The following DMD variants were observed in gnomAD, a reference collection of about 807,000 sequenced individuals.
The protein encoded by DMD is dystrophin.
A neutral mutation model predicts 330.1 loss-of-function variants in DMD; 63 were observed. The ratio of observed to expected loss-of-function variants is 0.19; its 90% confidence interval spans 0.16 to 0.24. The LOEUF is 0.24. DMD is among the 10% of genes least tolerant of loss of function. The pLI is 1.00. For missense variants in DMD, 3,344 were observed against 2,684.1 expected (o/e 1.25, Z -5.43); for synonymous variants, 1,223 against 959.8 (o/e 1.27, Z -5.07).
At chrX:32,203,477 G>A (rs1465355603) in intron 44 of DMD, among the ~76,000 whole-genome samples, 1 of 112,537 alleles carries the variant, frequency 8.9e-6, no homozygotes, top group Non-Finnish European at 1.9e-5. Context: ...TCAGGGAACA[G>A]TAAATTTTAA....
intron 51 of DMD, among the ~76,000 whole-genome samples, chrX:31,772,133 G>A (rs184489235): frequency 2.7e-5 from 3 of 112,274 alleles, no homozygotes; most frequent in Non-Finnish European, 3.8e-5. Context: ...TCTAGAGTTC[G>A]TGGTGGAACC....
At chrX:33,202,157 T>G (rs1298099058) in intron 1 of DMD, among the ~76,000 whole-genome samples, 2 of 111,783 alleles carry the variant, frequency 1.8e-5, no homozygotes, top group Non-Finnish European at 3.8e-5. Context: ...TTAAAGAGCA[T>G]CCTCAATGGG....
At chrX:32,503,639 T>C (rs181471478) in intron 18 of DMD, among the ~76,000 whole-genome samples, 1 of 111,156 alleles carries the variant, frequency 9.0e-6, no homozygotes, top group Admixed American at 9.5e-5. Context: ...CACTGCAACC[T>C]CTGCCTCCCG....
rs1382425637 is a variant in DMD, at chrX:33,025,286, A to G, written c.32-5086T>C. On this transcript the variant is annotated intron_variant, in intron 1 of 78. Transcript: ENST00000357033. The stretch of plus-strand genomic sequence containing the variant: ...ACAGTAAGGACAAGGACAGAGTGAT[A>G]AGAAACTGAAAGTACACGCTCATTC... 2.7e-5 allele frequency among the ~76,000 whole-genome samples: 3 copies of G among 111,561 alleles called. No homozygotes were observed. In the Admixed American group the frequency reaches 2.9e-4, roughly 11 times the overall value.
chrX:32,630,107 G>C (rs1451654349), intron 11 of DMD, among the ~76,000 whole-genome samples: 1 of 111,618 alleles, frequency 9.0e-6, no homozygotes, highest in African/African-American at 3.2e-5. Flanking sequence ...ACCATTTCTT[G>C]TAGAAAAGGT....
chrX:33,020,680 G>T (rs780480490), intron 1 of DMD, among the ~76,000 whole-genome samples: 1 of 111,313 alleles, frequency 9.0e-6, no homozygotes, highest in East Asian at 2.8e-4. Flanking sequence ...CCTCAGATTT[G>T]TAATATCTGA....
intron 55 of DMD, among the ~76,000 whole-genome samples, chrX:31,543,159 A>G (rs2073937635): frequency 1.9e-5 from 2 of 107,639 alleles, no homozygotes; most frequent in Admixed American, 2.0e-4. Context: ...TTTATTTTTT[A>G]TTTTTTATTT....
At chrX:32,730,591 G>T (rs188909717) in intron 7 of DMD, among the ~76,000 whole-genome samples, 45 of 111,982 alleles carry the variant, frequency 4.0e-4, no homozygotes, top group Non-Finnish European at 7.2e-4. Context: ...CTAGGAATAA[G>T]CTTAAAGTAG....
At chrX:32,667,040 T>C (rs1301412743) in intron 9 of DMD, among the ~76,000 whole-genome samples, 1 of 101,323 alleles carries the variant, frequency 9.9e-6, no homozygotes, top group Non-Finnish European at 1.9e-5. Context: ...CATGGATAAA[T>C]GATTAAAGAC....
chrX:33,129,987 T>C (rs975964003), intron 1 of DMD, among the ~76,000 whole-genome samples: 2 of 111,980 alleles, frequency 1.8e-5, no homozygotes, highest in South Asian at 3.7e-4. Flanking sequence ...TTCAATCAGA[T>C]AGAAGCTTTT....
At chrX:32,698,559 A>G (rs769158847) in intron 8 of DMD, among the ~76,000 whole-genome samples, 117 of 111,971 alleles carry the variant, frequency 1.0e-3, no homozygotes, top group Non-Finnish European at 2.0e-3. Context: ...AGCCAATGTC[A>G]TGGAAGAACC....
chrX:31,628,955 T>G (rs1268825098), intron 54 of DMD, among the ~76,000 whole-genome samples: 6 of 102,842 alleles, frequency 5.8e-5, no homozygotes, highest in Non-Finnish European at 1.2e-4. Context: ...ATGCATGTAT[T>G]GTGGATACAC....
intron 30 of DMD, among the ~76,000 whole-genome samples, chrX:32,411,124 G>A (rs998784428): frequency 9.0e-6 from 1 of 110,777 alleles, no homozygotes; most frequent in Non-Finnish European, 1.9e-5. Flanking sequence ...CAATGCCATA[G>A]AAAATATTTT....
intron 6 of DMD, among the ~76,000 whole-genome samples, chrX:32,812,980 T>C (rs1261160247): frequency 2.7e-5 from 3 of 111,342 alleles, no homozygotes; most frequent in Non-Finnish European, 5.7e-5. Flanking sequence ...TATGGCATAG[T>C]ATACAAGGTT....
chrX:32,032,138 A>T (rs1466782258), intron 44 of DMD, among the ~76,000 whole-genome samples: 1 of 111,550 alleles, frequency 9.0e-6, no homozygotes, highest in African/African-American at 3.3e-5. Context: ...GATTTTATAC[A>T]ACTAAAATAA....
chrX:32,251,970 C>T (rs1473161448), intron 43 of DMD, among the ~76,000 whole-genome samples: 3 of 111,094 alleles, frequency 2.7e-5, no homozygotes, highest in African/African-American at 9.8e-5. Context: ...TGCACTCCAG[C>T]CTGGGCAACA....
intron 1 of DMD, among the ~76,000 whole-genome samples, chrX:33,219,306 T>TTGTGTA (rs2052118121): frequency 1.4e-5 from 1 of 72,976 alleles, no homozygotes. Flanking sequence ...TTAGAGATTA[T>TTGTGTA]TGTGTGTGTG....
chrX:32,623,173 G>C (rs777915478), intron 11 of DMD, among the ~76,000 whole-genome samples: 6 of 111,380 alleles, frequency 5.4e-5, no homozygotes, highest in Non-Finnish European at 9.4e-5. Context: ...TGAAGAGGAC[G>C]CTTCCTTCCT....
intron 62 of DMD, among the ~76,000 whole-genome samples, chrX:31,293,201 T>TGTGTGTGTG (rs1569519848): frequency 2.0e-5 from 1 of 50,154 alleles, no homozygotes; most frequent in African/African-American, 1.7e-4. Context: ...TGTAGTCTGG[T>TGTGTGTGTG]TTAGTGTGTG....
Sources: gnomAD v4.1 joint callset for allele counts (sites outside exome capture counted in the v4.1 genomes callset) on GRCh38, gnomAD v4.1.1 for gene constraint, MANE v1.5 for transcripts, NCBI Gene and HGNC (gene_info 2026-07-23, HGNC 2026-07-21) for gene names.